Variants in DDA1 observed in about 807,000 individuals in gnomAD.
The protein encoded by DDA1 is DET1 and DDB1 associated 1, also known as DET1- and DDB1-associated protein 1.
In DDA1, 3 loss-of-function variants were observed where a neutral mutation model predicts 18.6. The observed-to-expected ratio is 0.16, with a 90% CI of 0.07 to 0.42. DDA1 has a LOEUF of 0.42. DDA1 is among the 10% of genes least tolerant of loss of function. The pLI is 0.99. For missense variants in DDA1, 105 were observed against 138.2 expected (o/e 0.76, Z 1.20); for synonymous variants, 52 against 54.0 (o/e 0.96, Z 0.17).
chr19:17,313,895 G>T lies in DDA1; in HGVS notation c.4-128G>T, dbSNP rs1390386212. 6 of 737,578 alleles carry T rather than the reference G, an allele frequency of 8.1e-6. No homozygotes were observed. The East Asian group carries it at 1.5e-4, about 19-fold the overall frequency. The allele number at this position is 737,578 out of a possible 1,614,324, so 45.7% of individuals were successfully genotyped here. A position where few individuals can be genotyped will look rare whatever the true frequency, so the allele number is the denominator to read the frequency against. On this transcript the variant is annotated intron_variant, in intron 1 of 4. Coordinates refer to ENST00000359866, the MANE Select transcript of DDA1 (RefSeq NM_024050.6). ...AGTGTATCCAGCAGCCAGCTCAAGG[G>T]TGTGTTCTGGAAAACTTGAACTACA...
rs2074211192 is a variant in DDA1, at chr19:17,315,983, A to G, written c.186A>G (p.Gln62=). 1.2e-6 allele frequency: 2 copies of G among 1,614,198 alleles called. No homozygotes were observed. Among genetic ancestry groups the G allele is most frequent in the Non-Finnish European group, 1.7e-6 (2 of 1,180,010 alleles). ...TNILLRYLHQ[Q]WDKKNAAKKR... is the part of the protein sequence containing the mutation. ...TCCTCCTGCGCTACCTGCATCAGCA[A>G]TGGGACAAAAAGGTGAGGCCCACAG... is the stretch of plus-strand genomic sequence containing the variant. The change falls in exon 4 of 5, where the codon CAA becomes CAG. Residue 62 remains glutamine (Q), a synonymous_variant. Coordinates refer to ENST00000359866, the MANE Select transcript of DDA1 (RefSeq NM_024050.6).
intron 4 of DDA1, among the ~76,000 whole-genome samples, chr19:17,317,998 G>A (rs905132074): frequency 2.6e-5 from 4 of 151,478 alleles, no homozygotes; most frequent in Non-Finnish European, 5.9e-5. Context: ...GCCCTGCCCT[G>A]CCCTTCCCCT....
intron 1 of DDA1, among the ~76,000 whole-genome samples, chr19:17,313,544 G>T (rs889279386): frequency 4.1e-5 from 6 of 146,128 alleles, no homozygotes; most frequent in African/African-American, 1.3e-4. Context: ...CCGAGTTCAA[G>T]CGATTCTCCA....
chr19:17,311,064 C>G (rs1037802593), intron 1 of DDA1, among the ~76,000 whole-genome samples: 1 of 152,146 alleles, frequency 6.6e-6, no homozygotes, highest in Admixed American at 6.6e-5. Context: ...CTATGTTGCC[C>G]AGGCTGGTCT....
Position 17,314,521 on chromosome 19 carries a change from T to A in DDA1, c.136+132T>A. ...ACTTGGCTTGGGTTCACACGCTGTC[T>A]ACTGAATCCAGTTAAGTCAGGGAGG... On this transcript the variant is annotated intron_variant, in intron 3 of 4. Transcript: ENST00000359866. This position sits in a 1 kb window ranked among gnomAD's most constrained non-coding sequence, Gnocchi z 4.6. The A allele has an allele frequency of 8.1e-7, 1 of 1,238,272 alleles. No homozygotes were observed. The highest frequency in any genetic ancestry group is 1.2e-6 in the Non-Finnish European group (1 of 869,556). The allele number at this position is 1,238,272 out of a possible 1,614,324, so 76.7% of individuals were successfully genotyped here. A position where few individuals can be genotyped will look rare whatever the true frequency, so the allele number is the denominator to read the frequency against.
chr19:17,313,584 A>G (rs566335559), intron 1 of DDA1, among the ~76,000 whole-genome samples: 5 of 151,998 alleles, frequency 3.3e-5, no homozygotes, highest in Admixed American at 2.0e-4. Flanking sequence ...CTGGGATCAT[A>G]GGCGCGCACC....
At chr19:17,319,381 A>G (rs1388650549) in intron 4 of DDA1, among the ~76,000 whole-genome samples, 165 bp from the exon 5 acceptor site, 1 of 152,202 alleles carries the variant, frequency 6.6e-6, no homozygotes, top group African/African-American at 2.4e-5. Flanking sequence ...TGGGCAACAT[A>G]GTGAAACCCC....
In DDA1 at chr19:17,314,573, C is replaced by A; in HGVS notation, c.136+184C>A. 1.4e-6 allele frequency: 1 copy of A among 723,400 alleles called. No individual in the cohort carries two copies. Among genetic ancestry groups the A allele is most frequent in the Non-Finnish European group, 2.3e-6 (1 of 442,758 alleles). The allele number at this position is 723,400 out of a possible 1,614,324, so 44.8% of individuals were successfully genotyped here. A position where few individuals can be genotyped will look rare whatever the true frequency, so the allele number is the denominator to read the frequency against. On this transcript the variant is annotated intron_variant, in intron 3 of 4. Coordinates refer to ENST00000359866, the MANE Select transcript of DDA1 (RefSeq NM_024050.6). The surrounding 1 kb of genome is among the most constrained non-coding windows in gnomAD (Gnocchi z 4.6). ...CCTCCAGGGAGGTACAGGAGGGGGA[C>A]CTTGGGGGCTTCAGCCTGGGGATGC...
chr19:17,312,764 G>T (rs1229455845), intron 1 of DDA1, among the ~76,000 whole-genome samples: 2 of 152,208 alleles, frequency 1.3e-5, no homozygotes. Context: ...CCTGGTGCCT[G>T]CTAGGGCCCC....
In DDA1 at chr19:17,319,702, C is replaced by G; in HGVS notation, c.*46C>G. The G allele has an allele frequency of 6.6e-7, 1 of 1,517,070 alleles. No individual in the cohort carries two copies. The highest frequency in any genetic ancestry group is 8.9e-7 in the Non-Finnish European group (1 of 1,120,774). 94.0% of individuals were successfully genotyped at this position (1,517,070 alleles called of 1,614,324 possible). ...CCTCCTGCCAGGTCTGCTCCTCGGT[C>G]GCCCACCCGCCTGCCCGCCATGTGT... On this transcript the variant is annotated 3_prime_UTR_variant, in exon 5 of 5. Coordinates refer to ENST00000359866, the MANE Select transcript of DDA1 (RefSeq NM_024050.6).
intron 4 of DDA1, among the ~76,000 whole-genome samples, 197 bp from the exon 5 acceptor site, chr19:17,319,349 G>A (rs959359544): frequency 8.5e-5 from 13 of 152,220 alleles, no homozygotes; most frequent in Non-Finnish European, 8.8e-5. Flanking sequence ...CTTCACCCAC[G>A]TGAAGACTCA....
intron 1 of DDA1, among the ~76,000 whole-genome samples, chr19:17,312,335 G>GC (rs1294120877): frequency 1.3e-5 from 2 of 151,930 alleles, no homozygotes; most frequent in African/African-American, 4.8e-5. Flanking sequence ...AGATGACCTC[G>GC]CCGGGGTGTG....
chr19:17,314,462 C>G lies in DDA1; in HGVS notation c.136+73C>G, dbSNP rs899044430. On this transcript the variant is annotated intron_variant, in intron 3 of 4. Coordinates refer to ENST00000359866, the MANE Select transcript of DDA1 (RefSeq NM_024050.6). The surrounding 1 kb of genome is among the most constrained non-coding windows in gnomAD (Gnocchi z 4.6). The stretch of plus-strand genomic sequence containing the variant: ...GGTTTGGTGACTGCAGCGTGGCACG[C>G]GGAGGTTATCTTCAACCCCGGCCCA... The G allele has an allele frequency of 6.3e-7, 1 of 1,590,104 alleles. No homozygotes were observed. Among genetic ancestry groups the G allele is most frequent in the Admixed American group, 1.7e-5 (1 of 59,728 alleles).
chr19:17,318,999 G>A (rs1159297876), intron 4 of DDA1, among the ~76,000 whole-genome samples: 9 of 152,116 alleles, frequency 5.9e-5, no homozygotes, highest in African/African-American at 2.2e-4. Flanking sequence ...TTTCCACAGC[G>A]GGGAAGGAGG....
Position 17,320,786 on chromosome 19 carries a change from A to G in DDA1, c.*1130A>G, listed in dbSNP as rs1031637076. The stretch of plus-strand genomic sequence containing the variant: ...TGGCACCTGGCAGTTGGCATGTGCC[A>G]TGGCCGCTCATGGGGACCCCTCTTC... On this transcript the variant is annotated 3_prime_UTR_variant, in exon 5 of 5. Transcript: ENST00000359866. The G allele has an allele frequency of 5.7e-4, 87 of 152,574 alleles. No homozygotes were observed. The highest frequency in any genetic ancestry group is 9.2e-4 in the Non-Finnish European group (63 of 68,356). The allele number at this position is 152,574 out of a possible 1,614,324, so 9.5% of individuals were successfully genotyped here. A position where few individuals can be genotyped will look rare whatever the true frequency, so the allele number is the denominator to read the frequency against.
chr19:17,316,148 C>T (rs186575202), intron 4 of DDA1, among the ~76,000 whole-genome samples, 153 bp downstream of exon 4: 38 of 152,282 alleles, frequency 2.5e-4, no homozygotes, highest in South Asian at 6.2e-4. Flanking sequence ...GAGGGAAGAG[C>T]GTTCCAGTGG....
intron 4 of DDA1, 34 bp from the exon 5 acceptor site, chr19:17,319,512 G>T (rs112204143): frequency 6.9e-6 from 5 of 723,802 alleles, no homozygotes; most frequent in East Asian, 3.0e-5. Context: ...CGAAAAAAAA[G>T]ACTCACAGCC....
At chr19:17,315,304 G>A (rs58430531) in intron 3 of DDA1, among the ~76,000 whole-genome samples, 1 of 29,440 alleles carries the variant, frequency 3.4e-5, no homozygotes, top group Non-Finnish European at 6.6e-5. Context: ...ATACACACGT[G>A]TATATATATA....
At position 17,319,690 on chromosome 19, in the gene DDA1, C is replaced by G. The variant is rs1283236956; in HGVS notation, c.*34C>G. On this transcript the variant is annotated 3_prime_UTR_variant, in exon 5 of 5. Coordinates refer to ENST00000359866, the MANE Select transcript of DDA1 (RefSeq NM_024050.6). Reference sequence around the variant, plus strand: ...ACTCCACAGGCGCCTCCTGCCAGGTCTGCTCCTCGGTCGCCCACCCGCCTG... The same window carrying G: ...ACTCCACAGGCGCCTCCTGCCAGGTGTGCTCCTCGGTCGCCCACCCGCCTG... 1 of 1,541,448 alleles carries G rather than the reference C, an allele frequency of 6.5e-7. No individual in the cohort carries two copies. The highest frequency in any genetic ancestry group is 2.0e-5 in the Admixed American group (1 of 50,654).
Sources: allele counts gnomAD v4.1 joint callset (sites outside exome capture counted in the v4.1 genomes callset), GRCh38; gene constraint gnomAD v4.1.1; non-coding constraint Gnocchi (gnomAD v3.1); transcripts MANE v1.5; gene names NCBI Gene and HGNC (gene_info 2026-07-23, HGNC 2026-07-21).